Variants in ERBB4 observed in about 807,000 individuals in gnomAD.
ERBB4 encodes the protein receptor tyrosine-protein kinase erbB-4.
In ERBB4, 42 loss-of-function variants were observed where a neutral mutation model predicts 158.0. The observed-to-expected ratio is 0.27, with a 90% confidence interval of 0.21 to 0.34. The LOEUF (loss-of-function observed/expected upper bound fraction) is 0.34, where lower values mean the gene tolerates loss of function less well. ERBB4 is among the 10% of genes least tolerant of loss of function. The pLI, the probability that ERBB4 is intolerant of heterozygous loss-of-function variation, is 1.00. For synonymous variants in ERBB4, 583 were observed against 558.7 expected (o/e 1.04, Z -0.61); for missense variants, 1,333 against 1,624.1 (o/e 0.82, Z 3.08).
At chr2:211,969,343 T>G (rs1214295750) in intron 2 of ERBB4, among the ~76,000 whole-genome samples, 1 of 152,010 alleles carries the variant, frequency 6.6e-6, no homozygotes, top group Admixed American at 6.6e-5. Context: ...TGAAAAAACG[T>G]TCCAAGTTCT....
chr2:212,255,264 A>G (rs982546574), intron 1 of ERBB4, among the ~76,000 whole-genome samples: 1 of 152,202 alleles, frequency 6.6e-6, no homozygotes, highest in Non-Finnish European at 1.5e-5. Flanking sequence ...TGAAAAATAT[A>G]TGTGTGTATA....
chr2:212,363,572 A>G (rs1264444695), intron 1 of ERBB4, among the ~76,000 whole-genome samples: 2 of 151,598 alleles, frequency 1.3e-5, no homozygotes, highest in African/African-American at 2.4e-5. Context: ...CTGCAGCCAG[A>G]TATCTATGAA....
chr2:211,570,529 A>G (rs2067692405), intron 19 of ERBB4, among the ~76,000 whole-genome samples: 1 of 63,830 alleles, frequency 1.6e-5, no homozygotes, highest in African/African-American at 3.5e-5. Context: ...ATCTCTGGGC[A>G]GGGAAAAAAA....
chr2:211,383,899 T>C lies in ERBB4; in HGVS notation c.3643A>G (p.Thr1215Ala). The C allele has an allele frequency of 1.9e-6, 3 of 1,614,012 alleles. No individual in the cohort carries two copies. The highest frequency in any genetic ancestry group is 8.5e-7 in the Non-Finnish European group (1 of 1,179,996). The stretch of plus-strand genomic sequence containing the variant: ...TTCAGGTACTCAGCTTTTCCCAAGG[T>C]GTTGGCAAAGGTGTTGAGGTACAGT... ...EPLYLNTFAN[T>A]LGKAEYLKNN... is the part of the protein sequence containing the mutation. Residue 1215 changes from threonine to alanine, a missense_variant, in exon 28 of 28, where the codon ACC becomes GCC. This residue lies in a region of ERBB4 where 252 missense variants were observed against 241.3 expected (regional missense o/e 1.04). Transcript: ENST00000342788.
chr2:212,353,645 G>A (rs2089347989), intron 1 of ERBB4, among the ~76,000 whole-genome samples: 1 of 84,072 alleles, frequency 1.2e-5, no homozygotes, highest in South Asian at 3.1e-4. Flanking sequence ...GCTGATAAAT[G>A]TTGAAAAAAG....
intron 4 of ERBB4, chr2:211,779,086 T>A (rs1415615228): frequency 1.3e-5 from 2 of 152,194 alleles, no homozygotes; most frequent in Non-Finnish European, 2.9e-5. Flanking sequence ...TTAGGATTTA[T>A]CATATGGGCT....
intron 1 of ERBB4, among the ~76,000 whole-genome samples, chr2:212,295,147 A>G (rs953728099): frequency 3.3e-5 from 5 of 152,116 alleles, no homozygotes; most frequent in South Asian, 2.1e-4. Flanking sequence ...CAAGTTGTCA[A>G]TTAAAAGTCT....
chr2:211,871,054 T>C (rs1239936410), intron 3 of ERBB4, among the ~76,000 whole-genome samples: 1 of 152,144 alleles, frequency 6.6e-6, no homozygotes, highest in Non-Finnish European at 1.5e-5. Flanking sequence ...AGTGCTATAT[T>C]TGAAGGTGAG....
intron 2 of ERBB4, among the ~76,000 whole-genome samples, chr2:212,004,386 A>G (rs2076211853): frequency 2.0e-5 from 3 of 152,160 alleles, no homozygotes; most frequent in Admixed American, 2.0e-4. Context: ...TCCCAAAGTG[A>G]GTACATATGT....
intron 7 of ERBB4, among the ~76,000 whole-genome samples, chr2:211,715,081 T>C (rs1427489520): frequency 6.6e-6 from 1 of 152,136 alleles, no homozygotes; most frequent in East Asian, 1.9e-4. Flanking sequence ...CAAGAGAAAA[T>C]CTTACCAACG....
chr2:212,241,332 G>A (rs2084097104), intron 1 of ERBB4, among the ~76,000 whole-genome samples: 2 of 151,984 alleles, frequency 1.3e-5, no homozygotes, highest in Admixed American at 1.3e-4. Context: ...CTTGGAAATG[G>A]ATTCAAATCT....
chr2:211,998,646 G>T (rs1277182280), intron 2 of ERBB4, among the ~76,000 whole-genome samples: 2 of 151,622 alleles, frequency 1.3e-5, no homozygotes, highest in Admixed American at 6.6e-5. Flanking sequence ...CTTGCTCAAG[G>T]TATGAAATGA....
At chr2:212,441,852 T>C (rs1413123221) in intron 1 of ERBB4, among the ~76,000 whole-genome samples, 1 of 152,164 alleles carries the variant, frequency 6.6e-6, no homozygotes, top group Non-Finnish European at 1.5e-5. Context: ...CGTGGATTAA[T>C]CACTTTAGAC....
chr2:212,099,685 A>G (rs1161657223), intron 2 of ERBB4, among the ~76,000 whole-genome samples: 1 of 150,926 alleles, frequency 6.6e-6, no homozygotes, highest in Non-Finnish European at 1.5e-5. Flanking sequence ...GGCAATGCCA[A>G]TTTAGAATTC....
At chr2:211,875,819 C>A (rs2078484193) in intron 3 of ERBB4, among the ~76,000 whole-genome samples, 1 of 152,080 alleles carries the variant, frequency 6.6e-6, no homozygotes, top group South Asian at 2.1e-4. Flanking sequence ...TTCTACTGTA[C>A]CTTTTCTATG....
intron 2 of ERBB4, among the ~76,000 whole-genome samples, chr2:212,065,469 A>T (rs960743881): frequency 6.6e-6 from 1 of 152,078 alleles, no homozygotes; most frequent in African/African-American, 2.4e-5. Context: ...AACATATTGG[A>T]TATGACAAAT....
chr2:211,947,756 A>C, intron 2 of ERBB4, 140 bp from the exon 3 acceptor site: 1 of 703,466 alleles, frequency 1.4e-6, no homozygotes, highest in Non-Finnish European at 2.4e-6. Context: ...CATATTCTAA[A>C]GAATTGGCTT....
intron 2 of ERBB4, among the ~76,000 whole-genome samples, chr2:211,983,157 G>T (rs182088347): frequency 3.0e-4 from 45 of 152,270 alleles, no homozygotes; most frequent in African/African-American, 1.0e-3. Context: ...AAGGTGGAAA[G>T]AATTTATGTG....
In ERBB4 at chr2:212,280,660, TAC is replaced by T. The variant is rs540795787; in HGVS notation, c.83-155759_83-155758del. Among the ~76,000 whole-genome samples, 10 of 151,832 alleles carry T rather than the reference TAC, an allele frequency of 6.6e-5. No homozygotes were observed. The South Asian group carries it at 1.5e-3, about 22-fold the overall frequency. On this transcript the variant is annotated intron_variant, in intron 1 of 27. Transcript: ENST00000342788. ...AGGCAACATTTTTTATCAGGAGTAT[TAC>T]AGTTAGATAACTTTATTCACACTGA...
Sources: allele counts gnomAD v4.1 joint callset (sites outside exome capture counted in the v4.1 genomes callset), GRCh38; gene constraint gnomAD v4.1.1; regional missense constraint gnomAD v4.1.1; transcripts MANE v1.5; gene names NCBI Gene and HGNC (gene_info 2026-07-23, HGNC 2026-07-21).